ULK4: variants seen among roughly 807,000 people sequenced by gnomAD.
ULK4 encodes the protein unc-51 like kinase 4, also known as inactive serine/threonine-protein kinase ULK4.
Under a neutral mutation model 160.6 loss-of-function variants are expected in ULK4, and 133 were observed. That is an observed-to-expected ratio of 0.83 (90% CI 0.72 to 0.96). ULK4 has a LOEUF of 0.96. ULK4 is among the 40% of genes least tolerant of loss of function. ULK4 has a pLI of 0.00. For synonymous variants in ULK4, 534 were observed against 539.8 expected (o/e 0.99, Z 0.15); for missense variants, 1,580 against 1,499.5 (o/e 1.05, Z -0.89).
chr3:41,314,042 G>T (rs1484695984), intron 35 of ULK4, among the ~76,000 whole-genome samples: 1 of 152,154 alleles, frequency 6.6e-6, no homozygotes, highest in Non-Finnish European at 1.5e-5. Context: ...ACCTAAGAGT[G>T]AGCCTTCAGA....
At chr3:41,940,598 C>T (rs942069414) in intron 2 of ULK4, among the ~76,000 whole-genome samples, 8 of 152,070 alleles carry the variant, frequency 5.3e-5, no homozygotes, top group Non-Finnish European at 1.2e-4. Flanking sequence ...TTCAAGGCTG[C>T]AGTGAACTGT....
chr3:41,369,589 T>G (rs1186146726), intron 35 of ULK4, among the ~76,000 whole-genome samples: 1 of 151,326 alleles, frequency 6.6e-6, no homozygotes, highest in Non-Finnish European at 1.5e-5. Context: ...GGTCAGGAGA[T>G]CGAGACCATC....
intron 31 of ULK4, among the ~76,000 whole-genome samples, chr3:41,604,508 C>T (rs1421170559): frequency 6.6e-6 from 1 of 151,914 alleles, no homozygotes; most frequent in African/African-American, 2.4e-5. Flanking sequence ...AATGAAAGGA[C>T]CAAAAGATAC....
intron 31 of ULK4, among the ~76,000 whole-genome samples, chr3:41,568,842 T>C (rs1194821436): frequency 2.0e-5 from 3 of 152,080 alleles, no homozygotes; most frequent in Non-Finnish European, 4.4e-5. Flanking sequence ...GAGGGCTCAG[T>C]CCCACAAGGC....
At chr3:41,724,229 T>C (rs1267549133) in intron 22 of ULK4, among the ~76,000 whole-genome samples, 1 of 152,184 alleles carries the variant, frequency 6.6e-6, no homozygotes, top group African/African-American at 2.4e-5. Flanking sequence ...GGATGAACAT[T>C]TGGGCTATTT....
chr3:41,504,078 A>C (rs1270573702), intron 32 of ULK4, among the ~76,000 whole-genome samples: 1 of 152,198 alleles, frequency 6.6e-6, no homozygotes, highest in Admixed American at 6.5e-5. Flanking sequence ...GATTCAAATT[A>C]AGACTGGAGT....
chr3:41,323,284 C>T (rs565524300), intron 35 of ULK4, among the ~76,000 whole-genome samples: 2 of 151,806 alleles, frequency 1.3e-5, no homozygotes, highest in South Asian at 4.2e-4. Flanking sequence ...ACGTCAAAGG[C>T]ATATTCAAGG....
At chr3:41,597,076 C>A (rs545561321) in intron 31 of ULK4, among the ~76,000 whole-genome samples, 2 of 152,120 alleles carry the variant, frequency 1.3e-5, no homozygotes, top group Non-Finnish European at 2.9e-5. Flanking sequence ...CCCTCCTGCA[C>A]GCTCCCCTCT....
intron 35 of ULK4, among the ~76,000 whole-genome samples, chr3:41,300,837 TTATATATATATATATATA>T (rs66602936): frequency 0.011 from 644 of 57,876 alleles, 29 homozygotes; most frequent in South Asian, 0.033. Flanking sequence ...ATTTTACAGA[TTATATATATATATATATA>T]TATATATATA....
chr3:41,334,917 A>G (rs772423683), intron 35 of ULK4, among the ~76,000 whole-genome samples: 5 of 152,212 alleles, frequency 3.3e-5, no homozygotes, highest in African/African-American at 4.8e-5. Context: ...GCTGCCCCAA[A>G]TGTCATAGCT....
At chr3:41,399,810 C>T (rs1387645184) in intron 34 of ULK4, among the ~76,000 whole-genome samples, 1 of 152,018 alleles carries the variant, frequency 6.6e-6, no homozygotes, top group South Asian at 2.1e-4. Context: ...ACCATGCTGC[C>T]ACAGCTAGTC....
intron 35 of ULK4, among the ~76,000 whole-genome samples, chr3:41,315,634 C>T (rs1323040900): frequency 6.6e-6 from 1 of 152,176 alleles, no homozygotes; most frequent in African/African-American, 2.4e-5. Flanking sequence ...TCTACCTTCC[C>T]GGCTCGGCAC....
intron 35 of ULK4, among the ~76,000 whole-genome samples, chr3:41,371,932 G>T (rs1168807399): frequency 2.6e-5 from 4 of 151,850 alleles, no homozygotes; most frequent in African/African-American, 9.7e-5. Flanking sequence ...AAAATAACCA[G>T]TTTAGAGAAG....
intron 35 of ULK4, among the ~76,000 whole-genome samples, chr3:41,320,432 CCCGGAGAG>C (rs1411065662): frequency 1.3e-5 from 2 of 152,138 alleles, no homozygotes; most frequent in Non-Finnish European, 2.9e-5. Context: ...GTAGTTGCAT[CCCGGAGAG>C]CCTAATAAGT....
intron 35 of ULK4, among the ~76,000 whole-genome samples, chr3:41,367,902 T>C (rs1031601098): frequency 8.5e-5 from 13 of 152,172 alleles, no homozygotes; most frequent in African/African-American, 2.7e-4. Flanking sequence ...TGCATACATA[T>C]ATGTCATGTG....
intron 2 of ULK4, among the ~76,000 whole-genome samples, chr3:41,951,378 C>A: frequency 1.4e-5 from 2 of 147,670 alleles, no homozygotes; most frequent in Admixed American, 6.8e-5. Context: ...GTATGTCAAA[C>A]GGCCAAAACA....
At chr3:41,687,206 C>T (rs1463076317) in intron 27 of ULK4, among the ~76,000 whole-genome samples, 2 of 152,052 alleles carry the variant, frequency 1.3e-5, no homozygotes, top group African/African-American at 4.8e-5. Context: ...AACCCCGTAT[C>T]TACTAAAAAT....
chr3:41,647,643 G>T (rs534321402), intron 30 of ULK4, among the ~76,000 whole-genome samples: 3 of 152,292 alleles, frequency 2.0e-5, no homozygotes, highest in Middle Eastern at 6.8e-3. Flanking sequence ...GGGGGTCAGG[G>T]GTCAGGGACC....
intron 32 of ULK4, among the ~76,000 whole-genome samples, chr3:41,536,214 T>C (rs1029614646): frequency 4.6e-5 from 7 of 152,088 alleles, no homozygotes; most frequent in African/African-American, 1.7e-4. Context: ...CTGCCTCTCT[T>C]AGTGCTTTGT....
Sources: gnomAD v4.1 joint callset for allele counts (sites outside exome capture counted in the v4.1 genomes callset) on GRCh38, gnomAD v4.1.1 for gene constraint, MANE v1.5 for transcripts, NCBI Gene and HGNC (gene_info 2026-07-23, HGNC 2026-07-21) for gene names.